The following GPHN variants were observed in gnomAD, a reference collection of about 807,000 sequenced individuals.
GPHN encodes gephyrin.
In GPHN, 17 loss-of-function variants were observed where a neutral mutation model predicts 95.5. The observed-to-expected ratio is 0.18, with a 90% CI of 0.12 to 0.27. GPHN has a LOEUF of 0.27. Among genes scored for constraint, GPHN ranks in the 10% least tolerant of loss-of-function variants. The pLI is 1.00. For missense variants in GPHN, 660 were observed against 978.1 expected, an observed-to-expected ratio of 0.67 and a Z score of 4.34; for synonymous variants, 320 against 322.5, an observed-to-expected ratio of 0.99 and a Z score of 0.08.
intron 1 of GPHN, among the ~76,000 whole-genome samples, chr14:66,664,790 C>T (rs1018408914): frequency 6.6e-6 from 1 of 151,586 alleles, no homozygotes; most frequent in Non-Finnish European, 1.5e-5. Context: ...GTGGATATTA[C>T]GATTGTCCCC....
At chr14:66,667,370 A>G (rs2066026364) in intron 1 of GPHN, among the ~76,000 whole-genome samples, 1 of 152,228 alleles carries the variant, frequency 6.6e-6, no homozygotes, top group Admixed American at 6.5e-5. Flanking sequence ...TAAAAAACAA[A>G]GCTGGAGGCA....
chr14:67,290,434 A>G, the GPHN span, among the ~76,000 whole-genome samples: 4 of 152,212 alleles, frequency 2.6e-5, no homozygotes, highest in Admixed American at 1.3e-4. Context: ...ATGAGGTCTC[A>G]CTCAGTTGCC....
chr14:66,557,075 C>T (rs1046088801), intron 1 of GPHN, among the ~76,000 whole-genome samples: 2 of 151,790 alleles, frequency 1.3e-5, no homozygotes, highest in African/African-American at 4.8e-5. Context: ...GGCGTGGTGA[C>T]GTGTGCATGT....
intron 10 of GPHN, among the ~76,000 whole-genome samples, chr14:67,047,978 T>G (rs2075122400): frequency 6.6e-6 from 1 of 152,152 alleles, no homozygotes. Context: ...GATGAAACAT[T>G]GTATATTAAG....
intron 3 of GPHN, among the ~76,000 whole-genome samples, chr14:66,779,377 G>GGGTT (rs1311898464): frequency 1.3e-5 from 2 of 152,054 alleles, no homozygotes; most frequent in African/African-American, 4.8e-5. Context: ...TGTTGTTAAA[G>GGGTT]GGTTGGAAAA....
At chr14:67,114,011 A>G (rs2078528799) in intron 16 of GPHN, among the ~76,000 whole-genome samples, 1 of 152,184 alleles carries the variant, frequency 6.6e-6, no homozygotes, top group South Asian at 2.1e-4. Context: ...CTGAAAATAA[A>G]CCCATCATTA....
chr14:67,612,463 G>A, the GPHN span, among the ~76,000 whole-genome samples: 393 of 152,264 alleles, frequency 2.6e-3, 1 homozygote, highest in African/African-American at 8.9e-3. Flanking sequence ...AGGAGCTTCC[G>A]GTTCTGGTTG....
chr14:66,895,130 T>A (rs1214170932), intron 5 of GPHN, among the ~76,000 whole-genome samples: 1 of 152,208 alleles, frequency 6.6e-6, no homozygotes, highest in Non-Finnish European at 1.5e-5. Flanking sequence ...AGTGATAGAC[T>A]GGATTAAGAA....
the GPHN span, among the ~76,000 whole-genome samples, chr14:67,405,594 G>A: frequency 1.9e-4 from 29 of 152,268 alleles, no homozygotes; most frequent in East Asian, 5.6e-3. Flanking sequence ...TACTAGGGTT[G>A]GTCTGTATGG....
At chr14:66,659,970 C>CA (rs2065540816) in intron 1 of GPHN, among the ~76,000 whole-genome samples, 1 of 151,894 alleles carries the variant, frequency 6.6e-6, no homozygotes, top group African/African-American at 2.4e-5. Context: ...TGTTTGTTCT[C>CA]ACTTGTTTCT....
intron 2 of GPHN, among the ~76,000 whole-genome samples, chr14:66,701,044 C>T (rs2068505023): frequency 6.6e-6 from 1 of 152,198 alleles, no homozygotes. Context: ...TTGCCCTGCC[C>T]TGCCATCCAG....
chr14:67,629,028 T>C, the GPHN span, among the ~76,000 whole-genome samples: 1 of 152,154 alleles, frequency 6.6e-6, no homozygotes, highest in African/African-American at 2.4e-5. Context: ...TATAATGGAC[T>C]ATCATTCATT....
the GPHN span, among the ~76,000 whole-genome samples, chr14:67,315,426 A>G: frequency 1.3e-5 from 2 of 151,710 alleles, no homozygotes; most frequent in African/African-American, 4.8e-5. Context: ...ACAGGTGCCC[A>G]CCACCACGCC....
the GPHN span, among the ~76,000 whole-genome samples, chr14:67,481,145 A>G: frequency 2.0e-5 from 3 of 152,096 alleles, no homozygotes; most frequent in East Asian, 5.8e-4. Flanking sequence ...AAAAAAAAGT[A>G]GGCTGGTTTG....
intron 4 of GPHN, among the ~76,000 whole-genome samples, chr14:66,878,255 C>G (rs556202845): frequency 2.0e-5 from 3 of 152,056 alleles, no homozygotes; most frequent in African/African-American, 7.2e-5. Context: ...CATGTAAGAC[C>G]TAAAACTATA....
chr14:67,592,250 C>T, the GPHN span: 1 of 365,468 alleles, frequency 2.7e-6, no homozygotes, highest in South Asian at 2.1e-5. Flanking sequence ...GCCTAGGCAA[C>T]ATGGCAAGAC....
chr14:67,602,278 C>T, the GPHN span, among the ~76,000 whole-genome samples: 5 of 152,126 alleles, frequency 3.3e-5, no homozygotes, highest in South Asian at 2.1e-4. Context: ...CGTCAGATCT[C>T]GTGAGAGAAC....
At chr14:66,537,188 G>C (rs1204132631) in intron 1 of GPHN, among the ~76,000 whole-genome samples, 2 of 151,814 alleles carry the variant, frequency 1.3e-5, no homozygotes, top group Non-Finnish European at 2.9e-5. Flanking sequence ...GTTTTATCTA[G>C]TTTGACAATC....
At chr14:67,608,281 C>T in the GPHN span, among the ~76,000 whole-genome samples, 55 of 151,984 alleles carry the variant, frequency 3.6e-4, no homozygotes, top group African/African-American at 1.3e-3. Context: ...ACTGAACTCG[C>T]GTAGACTTTT....
Sources: gnomAD v4.1 joint callset for allele counts (sites outside exome capture counted in the v4.1 genomes callset) on GRCh38, gnomAD v4.1.1 for gene constraint, MANE v1.5 for transcripts, NCBI Gene and HGNC (gene_info 2026-07-23, HGNC 2026-07-21) for gene names.